CENPP: variants seen among roughly 807,000 people sequenced by gnomAD.
The protein encoded by CENPP is centromere protein P.
In CENPP, 24 loss-of-function variants were observed where a neutral mutation model predicts 35.6. The observed-to-expected ratio is 0.67, with a 90% CI of 0.49 to 0.95. The LOEUF is 0.95. Among genes scored for constraint, CENPP ranks in the 40% least tolerant of loss-of-function variants. CENPP has a pLI of 0.00. For synonymous variants in CENPP, 120 were observed against 125.5 expected, an observed-to-expected ratio of 0.96 and a Z score of 0.29; for missense variants, 332 against 345.3, an observed-to-expected ratio of 0.96 and a Z score of 0.31.
chr9:92,554,903 T>A (rs985743446), intron 5 of CENPP, among the ~76,000 whole-genome samples: 2 of 152,188 alleles, frequency 1.3e-5, no homozygotes, highest in Non-Finnish European at 1.5e-5. Context: ...CCCAAAGTGC[T>A]GAGATTACAG....
chr9:92,361,128 C>CTTTATTTATTTA (rs536927713), intron 4 of CENPP, among the ~76,000 whole-genome samples: 1,574 of 150,584 alleles, frequency 0.01, 9 homozygotes, highest in South Asian at 0.018. Context: ...TATTATTTTA[C>CTTTATTTATTTA]TTTATTTATT....
intron 5 of CENPP, among the ~76,000 whole-genome samples, chr9:92,567,391 T>TATATATATATAG (rs374567670): frequency 3.0e-5 from 3 of 98,378 alleles, no homozygotes; most frequent in African/African-American, 1.1e-4. Context: ...TATATATATA[T>TATATATATATAG]ATATAGATAT....
chr9:92,567,599 T>C (rs1000662554), intron 5 of CENPP, among the ~76,000 whole-genome samples: 2 of 151,974 alleles, frequency 1.3e-5, no homozygotes, highest in Non-Finnish European at 2.9e-5. Flanking sequence ...GCTAATATTA[T>C]AATTTTGGTT....
chr9:92,422,726 C>G (rs1164930804), intron 5 of CENPP, among the ~76,000 whole-genome samples: 1 of 152,136 alleles, frequency 6.6e-6, no homozygotes, highest in Non-Finnish European at 1.5e-5. Context: ...CTGTTTTCAT[C>G]TATATGCTCA....
intron 5 of CENPP, among the ~76,000 whole-genome samples, chr9:92,523,147 C>T (rs1370651493): frequency 6.6e-6 from 1 of 151,742 alleles, no homozygotes; most frequent in Admixed American, 6.6e-5. Flanking sequence ...GTGGTTCAGT[C>T]ATGACTCACT....
chr9:92,334,246 G>A lies in CENPP; in HGVS notation c.289+1895G>A, dbSNP rs569239223. Among the ~76,000 whole-genome samples the A allele has an allele frequency of 8.3e-4, 125 of 150,326 alleles. 1 individual carries two copies. The highest frequency in any genetic ancestry group is 9.6e-4 in the African/African-American group (39 of 40,748). On this transcript the variant is annotated intron_variant, in intron 2 of 7. Transcript: ENST00000375587. ...AGCAATTCTCCTGCCTCAGCCTCCC[G>A]CGTAGCTGGGACTACAGGCACGCAG...
intron 4 of CENPP, among the ~76,000 whole-genome samples, chr9:92,375,262 G>A (rs1332026366): frequency 6.6e-6 from 1 of 150,996 alleles, no homozygotes; most frequent in African/African-American, 2.4e-5. Context: ...TCTTAGACTG[G>A]ATAATTTCAC....
chr9:92,332,725 T>C (rs193207539), intron 2 of CENPP, among the ~76,000 whole-genome samples: 27 of 152,152 alleles, frequency 1.8e-4, no homozygotes, highest in Admixed American at 1.5e-3. Context: ...GGAGAATCAT[T>C]TGAACCCGGG....
chr9:92,351,351 G>T lies in CENPP; in HGVS notation c.467+5564G>T, dbSNP rs138338477. ...AAAAACTAGCTGGGCATGGTGGCAC[G>T]TGACTGTAGTCCCAGCTACTTGGGA... On this transcript the variant is annotated intron_variant, in intron 4 of 7. Coordinates refer to ENST00000375587, the MANE Select transcript of CENPP (RefSeq NM_001012267.3). Among the ~76,000 whole-genome samples the T allele has an allele frequency of 5.5e-3, 835 of 151,914 alleles. 8 individuals carry two copies. Among genetic ancestry groups the T allele is most frequent in the African/African-American group, 0.019 (777 of 41,464 alleles).
Position 92,612,568 on chromosome 9 carries a change from G to A in CENPP, c.690G>A (p.Gly230=). The A allele has an allele frequency of 6.2e-7, 1 of 1,614,136 alleles. No homozygotes were observed. Among genetic ancestry groups the A allele is most frequent in the Non-Finnish European group, 8.5e-7 (1 of 1,180,016 alleles). ...IVWRIQIDED[G]KVFPKLDLLT... ...GGAGGATACAAATAGATGAAGATGG[G>A]AAGGTTTTTCCAAAGCTGGATCTTC... Residue 230 remains glycine (G), a synonymous_variant, in exon 7 of 8, where the codon GGG becomes GGA. Transcript: ENST00000375587.
chr9:92,327,386 T>C (rs1047775395), intron 1 of CENPP, among the ~76,000 whole-genome samples: 2 of 152,114 alleles, frequency 1.3e-5, no homozygotes, highest in African/African-American at 2.4e-5. Context: ...GCCCACACTT[T>C]GGAGGAGGAG....
At chr9:92,602,606 G>A (rs1389531453) in intron 5 of CENPP, among the ~76,000 whole-genome samples, 1 of 152,182 alleles carries the variant, frequency 6.6e-6, no homozygotes, top group Non-Finnish European at 1.5e-5. Flanking sequence ...ACGCAGTTGG[G>A]ACAGCTGGGG....
Position 92,359,268 on chromosome 9 carries a change from A to G in CENPP, c.467+13481A>G, listed in dbSNP as rs563023381. Among the ~76,000 whole-genome samples, 11 of 151,926 alleles carry G rather than the reference A, an allele frequency of 7.2e-5. No individual in the cohort carries two copies. In the South Asian group the frequency reaches 2.1e-3, roughly 29 times the overall value. The stretch of plus-strand genomic sequence containing the variant: ...CCAGCCTTCTTTTATATTTCTTTGT[A>G]TCCCTTGTGTTTTGTTGTTATTGTT... On this transcript the variant is annotated intron_variant, in intron 4 of 7. Coordinates refer to ENST00000375587, the MANE Select transcript of CENPP (RefSeq NM_001012267.3).
At chr9:92,475,807 T>C (rs1845694747) in intron 5 of CENPP, among the ~76,000 whole-genome samples, 1 of 152,226 alleles carries the variant, frequency 6.6e-6, no homozygotes, top group Non-Finnish European at 1.5e-5. Flanking sequence ...AGACTATTCT[T>C]TCTTACTCAT....
intron 5 of CENPP, among the ~76,000 whole-genome samples, chr9:92,477,297 C>T (rs1845745928): frequency 6.6e-6 from 1 of 152,154 alleles, no homozygotes; most frequent in Non-Finnish European, 1.5e-5. Context: ...TGTGCCTTTG[C>T]TGTCTGTCTA....
chr9:92,592,613 T>A (rs1850692704), intron 5 of CENPP, among the ~76,000 whole-genome samples: 1 of 152,228 alleles, frequency 6.6e-6, no homozygotes, highest in African/African-American at 2.4e-5. Context: ...TGGGAACACG[T>A]GTGCAGATTT....
At chr9:92,471,834 A>AT (rs974766650) in intron 5 of CENPP, among the ~76,000 whole-genome samples, 2 of 151,554 alleles carry the variant, frequency 1.3e-5, no homozygotes, top group African/African-American at 4.9e-5. Context: ...TAATTGTTGT[A>AT]TTTTTACTAG....
chr9:92,529,140 G>T (rs567646008), intron 5 of CENPP, among the ~76,000 whole-genome samples: 93 of 152,244 alleles, frequency 6.1e-4, no homozygotes, highest in African/African-American at 2.1e-3. Context: ...TGGTAAACTT[G>T]TTTTCAAAAA....
At chr9:92,500,260 G>A (rs570160116) in intron 5 of CENPP, among the ~76,000 whole-genome samples, 1 of 152,176 alleles carries the variant, frequency 6.6e-6, no homozygotes, top group South Asian at 2.1e-4. Context: ...CCGGCTCACT[G>A]CAACCTCTGC....
Sources: allele counts gnomAD v4.1 joint callset (sites outside exome capture counted in the v4.1 genomes callset), GRCh38; gene constraint gnomAD v4.1.1; transcripts MANE v1.5; gene names NCBI Gene and HGNC (gene_info 2026-07-23, HGNC 2026-07-21).